PLG: variants seen among roughly 807,000 people sequenced by gnomAD.
PLG encodes the protein plasmin.
PLG carries 41 observed loss-of-function variants against 104.4 expected under a neutral mutation model. The observed-to-expected ratio is 0.39, with a 90% CI of 0.31 to 0.51. PLG has a LOEUF of 0.51. Among genes scored for constraint, PLG ranks in the 20% least tolerant of loss-of-function variants. The probability of loss-of-function intolerance (pLI) is 0.76; values close to 1 mark genes in which losing one functional copy is unlikely to be tolerated. For missense variants in PLG, 891 were observed against 1,003.6 expected (o/e 0.89, Z 1.52); for synonymous variants, 337 against 357.1 (o/e 0.94, Z 0.63).
rs747055991 is a variant in PLG, at chr6:160,741,400, G to A, written c.2108G>A (p.Gly703Asp). Reference sequence around the variant, plus strand: ...GACCGGACCGAATGTTTCATCACTGGCTGGGGAGAAACCCAAGGTGAGATA... The same window carrying A: ...GACCGGACCGAATGTTTCATCACTGACTGGGGAGAAACCCAAGGTGAGATA... ...VADRTECFIT[G>D]WGETQGTFGA... The change falls in exon 17 of 19, where the codon GGC (glycine) becomes GAC (aspartate). Residue 703 changes from glycine to aspartate, a missense_variant. This residue lies in a region of PLG where 854 missense variants were observed against 932.1 expected (regional missense o/e 0.92). Coordinates refer to ENST00000308192, the MANE Select transcript of PLG (RefSeq NM_000301.5). The surrounding 1 kb of genome is among the most constrained non-coding windows in gnomAD (Gnocchi z 4.7). 1.2e-6 allele frequency: 2 copies of A among 1,609,938 alleles called. No homozygotes were observed. The highest frequency in any genetic ancestry group is 1.1e-5 in the South Asian group (1 of 90,996).
chr6:160,717,322 A>G (rs1468835455), intron 7 of PLG, among the ~76,000 whole-genome samples: 1 of 152,206 alleles, frequency 6.6e-6, no homozygotes, highest in East Asian at 1.9e-4. Flanking sequence ...GAAGCAAAGG[A>G]TTACACACTA....
chr6:160,715,703 G>T (rs1316077006), intron 6 of PLG, among the ~76,000 whole-genome samples: 1 of 152,114 alleles, frequency 6.6e-6, no homozygotes, highest in African/African-American at 2.4e-5. Flanking sequence ...ACGGTGGAAA[G>T]CAGCTCTATT....
Position 160,739,612 on chromosome 6 carries a change from G to A in PLG, c.2018+404G>A, listed in dbSNP as rs4252159. ...AAAGCACTTTAAAAACCACAAGATC[G>A]AGTTGGGTGTCTGGTGTGGGTGCCT... On this transcript the variant is annotated intron_variant, in intron 16 of 18. Coordinates refer to ENST00000308192, the MANE Select transcript of PLG (RefSeq NM_000301.5). The surrounding 1 kb of genome is among the most constrained non-coding windows in gnomAD (Gnocchi z 4.4). Among the ~76,000 whole-genome samples the A allele has an allele frequency of 0.063, 9,512 of 151,566 alleles. 380 individuals are homozygous for A. Among genetic ancestry groups the A allele is most frequent in the East Asian group, 0.098 (503 of 5,146 alleles).
intron 1 of PLG, among the ~76,000 whole-genome samples, 156 bp downstream of exon 1, chr6:160,702,509 A>C (rs4252063): frequency 6.6e-6 from 1 of 152,342 alleles, no homozygotes; most frequent in South Asian, 2.1e-4. Flanking sequence ...TCTTCAAGAA[A>C]TAAGTTTAAG....
rs866348419 is a variant in PLG, at chr6:160,723,558, G to A, written c.1256+991G>A. Among the ~76,000 whole-genome samples the A allele has an allele frequency of 7.2e-5, 11 of 152,232 alleles. No individual in the cohort carries two copies. The highest frequency in any genetic ancestry group is 6.2e-4 in the South Asian group (3 of 4,820). On this transcript the variant is annotated intron_variant, in intron 10 of 18. Coordinates refer to ENST00000308192, the MANE Select transcript of PLG (RefSeq NM_000301.5). This position sits in a 1 kb window ranked among gnomAD's most constrained non-coding sequence, Gnocchi z 4.7. ...AACTGAGGAAGGAGACTGGAGTTGG[G>A]ATTACTAAAACAGCTGAGATTTTCT...
chr6:160,750,223 G>A (rs1396858773), intron 17 of PLG, among the ~76,000 whole-genome samples: 1 of 152,158 alleles, frequency 6.6e-6, no homozygotes, highest in Non-Finnish European at 1.5e-5. Flanking sequence ...TTCCAGGTCA[G>A]CCATCATCTG....
Position 160,726,582 on chromosome 6 carries a change from T to A in PLG, c.1256+4015T>A, listed in dbSNP as rs1777925878. On this transcript the variant is annotated intron_variant, in intron 10 of 18. Coordinates refer to ENST00000308192, the MANE Select transcript of PLG (RefSeq NM_000301.5). The surrounding 1 kb of genome is among the most constrained non-coding windows in gnomAD (Gnocchi z 4.4). The stretch of plus-strand genomic sequence containing the variant: ...ACAGTCTATGAGGTTAAAACACCTT[T>A]AAATTTAAAAAAAAAAGATTTTATT... 8.2e-6 allele frequency among the ~76,000 whole-genome samples: 1 copy of A among 121,236 alleles called. No individual in the cohort carries two copies. Among genetic ancestry groups the A allele is most frequent in the Non-Finnish European group, 1.7e-5 (1 of 58,144 alleles). 79.5% of individuals were successfully genotyped at this position (121,236 alleles called of 152,430 possible). A position where few individuals can be genotyped will look rare whatever the true frequency, so the allele number is the denominator to read the frequency against.
At position 160,731,292 on chromosome 6, in the gene PLG, A is replaced by ATTT. The variant is rs1777995889; in HGVS notation, c.1438+60_1438+61insTTT. On this transcript the variant is annotated intron_variant, in intron 11 of 18. Transcript: ENST00000308192. This position sits in a 1 kb window ranked among gnomAD's most constrained non-coding sequence, Gnocchi z 5.1. ...GACGCTGGGATGAAAAGCCATGGAA[A>ATTT]ATCTCACTGATGCAGAAACCTTCCA... The ATTT allele has an allele frequency of 7.1e-7, 1 of 1,411,876 alleles. No homozygotes were observed. Among genetic ancestry groups the ATTT allele is most frequent in the Non-Finnish European group, 1.0e-6 (1 of 996,172 alleles). 87.5% of individuals were successfully genotyped at this position (1,411,876 alleles called of 1,614,324 possible).
At chr6:160,708,783 T>C (rs901866129) in intron 3 of PLG, among the ~76,000 whole-genome samples, 54 of 152,332 alleles carry the variant, frequency 3.5e-4, no homozygotes, top group African/African-American at 1.3e-3. Flanking sequence ...ATTATTTCTA[T>C]GCATTGACTC....
intron 9 of PLG, among the ~76,000 whole-genome samples, chr6:160,721,387 G>A (rs865810918): frequency 5.3e-5 from 8 of 152,102 alleles, no homozygotes; most frequent in South Asian, 2.1e-4. Flanking sequence ...AATATATATC[G>A]TGGATAATTG....
Position 160,741,228 on chromosome 6 carries a change from G to A in PLG, c.2019-83G>A, listed in dbSNP as rs1482487961. The A allele has an allele frequency of 1.1e-5, 10 of 927,044 alleles. No homozygotes were observed. 57.4% of individuals were successfully genotyped at this position (927,044 alleles called of 1,614,324 possible). On this transcript the variant is annotated intron_variant, in intron 16 of 18. Coordinates refer to ENST00000308192, the MANE Select transcript of PLG (RefSeq NM_000301.5). This position sits in a 1 kb window ranked among gnomAD's most constrained non-coding sequence, Gnocchi z 4.7. Reference sequence around the variant, plus strand: ...CAGTGCCAGTTCAGAGGGCTCTGGGGCCTCAAGACAGGGATGACTGGTTGT... The same window carrying A: ...CAGTGCCAGTTCAGAGGGCTCTGGGACCTCAAGACAGGGATGACTGGTTGT...
In PLG at chr6:160,714,806, A is replaced by T. The variant is rs377016135; in HGVS notation, c.560A>T (p.His187Leu). Residue 187 changes from histidine (H) to leucine (L), a missense_variant, in exon 6 of 19, where the codon CAT (histidine) becomes CTT (leucine). This residue lies in a region of PLG where 854 missense variants were observed against 932.1 expected (regional missense o/e 0.92). Coordinates refer to ENST00000308192, the MANE Select transcript of PLG (RefSeq NM_000301.5). ...DILECEEECM[H>L]CSGENYDGKI... ...CCACTCTGTCCAGAGGAATGTATGC[A>T]TTGCAGTGGAGAAAACTATGACGGC... 2.5e-6 allele frequency: 4 copies of T among 1,613,728 alleles called. No homozygotes were observed. The Admixed American group carries it at 6.7e-5, about 27-fold the overall frequency.
At chr6:160,713,647 C>T (rs1208560955) in intron 5 of PLG, among the ~76,000 whole-genome samples, 1 of 152,166 alleles carries the variant, frequency 6.6e-6, no homozygotes, top group African/African-American at 2.4e-5. Flanking sequence ...GTACAAACTT[C>T]TTATGCTTAC....
At chr6:160,706,235 G>A (rs4063604) in intron 1 of PLG, 172 bp from the exon 2 acceptor site, 26 of 808,910 alleles carry the variant, frequency 3.2e-5, no homozygotes, top group Admixed American at 7.0e-5. Flanking sequence ...CCAAATGCCC[G>A]ACTGTGTGTT....
chr6:160,748,417 G>GAAAGAAAGAAAAA, intron 17 of PLG, among the ~76,000 whole-genome samples: 1 of 62,370 alleles, frequency 1.6e-5, no homozygotes, highest in African/African-American at 6.4e-5. Context: ...AGAAAGAAAG[G>GAAAGAAAGAAAAA]GAAAGAAAGA....
intron 10 of PLG, chr6:160,730,709 A>C: frequency 3.7e-6 from 1 of 272,054 alleles, no homozygotes; most frequent in East Asian, 8.8e-5. Context: ...TAAAATATGC[A>C]CTTTAAAATC....
chr6:160,736,230 C>T lies in PLG; in HGVS notation c.1682-657C>T, dbSNP rs1778081480. Among the ~76,000 whole-genome samples the T allele has an allele frequency of 6.6e-6, 1 of 152,096 alleles. No homozygotes were observed. Among genetic ancestry groups the T allele is most frequent in the Non-Finnish European group, 1.5e-5 (1 of 68,018 alleles). ...CTGTGGGCTGGCTACAGAGAGAAGG[C>T]AGGGAGGAGGAAAAGAAGAATAAAG... On this transcript the variant is annotated intron_variant, in intron 13 of 18. Coordinates refer to ENST00000308192, the MANE Select transcript of PLG (RefSeq NM_000301.5). This position sits in a 1 kb window ranked among gnomAD's most constrained non-coding sequence, Gnocchi z 5.2.
At chr6:160,749,838 A>G (rs1290074336) in intron 17 of PLG, among the ~76,000 whole-genome samples, 3 of 150,400 alleles carry the variant, frequency 2.0e-5, no homozygotes, top group African/African-American at 7.4e-5. Flanking sequence ...CAGCACAATT[A>G]TCATTACCAC....
At chr6:160,707,366 G>A (rs536159841) in intron 2 of PLG, among the ~76,000 whole-genome samples, 1 of 152,246 alleles carries the variant, frequency 6.6e-6, no homozygotes, top group South Asian at 2.1e-4. Flanking sequence ...GACTATCTTG[G>A]CGAATGGGTT....
Sources: allele counts gnomAD v4.1 joint callset (sites outside exome capture counted in the v4.1 genomes callset), GRCh38; gene constraint gnomAD v4.1.1; regional missense constraint gnomAD v4.1.1; non-coding constraint Gnocchi (gnomAD v3.1); transcripts MANE v1.5; gene names NCBI Gene and HGNC (gene_info 2026-07-23, HGNC 2026-07-21).